DTNA: variants seen among roughly 807,000 people sequenced by gnomAD.
DTNA encodes the protein dystrobrevin alpha.
Under a neutral mutation model 100.7 loss-of-function variants are expected in DTNA, and 43 were observed. The ratio of observed to expected loss-of-function variants is 0.43; its 90% confidence interval spans 0.33 to 0.55. DTNA has a LOEUF of 0.55. DTNA is among the 20% of genes least tolerant of loss of function. The pLI is 0.04. For missense variants in DTNA, 798 were observed against 953.9 expected (o/e 0.84, Z 2.15); for synonymous variants, 349 against 347.9 (o/e 1.00, Z -0.04).
intron 13 of DTNA, among the ~76,000 whole-genome samples, chr18:34,845,172 A>C (rs2149815864): frequency 6.6e-6 from 1 of 152,284 alleles, no homozygotes; most frequent in East Asian, 1.9e-4. Context: ...ATTTATCAGA[A>C]GAATGCCTCC....
At chr18:34,533,404 T>TA (rs1368181944) in intron 1 of DTNA, among the ~76,000 whole-genome samples, 2 of 149,232 alleles carry the variant, frequency 1.3e-5, no homozygotes, top group African/African-American at 4.9e-5. Context: ...GAGTGGGACA[T>TA]GAAGATGCTT....
chr18:34,835,865 A>G (rs2096129436), intron 11 of DTNA, among the ~76,000 whole-genome samples: 1 of 152,180 alleles, frequency 6.6e-6, no homozygotes, highest in African/African-American at 2.4e-5. Flanking sequence ...TCCCTGTGCA[A>G]TTATTCGGCT....
At chr18:34,638,205 T>A (rs1407485509) in intron 1 of DTNA, among the ~76,000 whole-genome samples, 4 of 152,222 alleles carry the variant, frequency 2.6e-5, no homozygotes, top group African/African-American at 9.6e-5. Context: ...CTTTATTCTC[T>A]TAGGTATCCA....
intron 1 of DTNA, among the ~76,000 whole-genome samples, chr18:34,533,776 G>A (rs1208539245): frequency 1.3e-5 from 2 of 152,056 alleles, no homozygotes; most frequent in South Asian, 2.1e-4. Flanking sequence ...ATCTTATCCT[G>A]TTCTGGACAC....
At chr18:34,785,144 A>G (rs1439851238) in intron 3 of DTNA, among the ~76,000 whole-genome samples, 1 of 151,914 alleles carries the variant, frequency 6.6e-6, no homozygotes, top group African/African-American at 2.4e-5. Context: ...CAATCTCCTG[A>G]CCTCATGATC....
intron 1 of DTNA, among the ~76,000 whole-genome samples, chr18:34,625,283 C>A (rs571041519): frequency 1.3e-5 from 2 of 152,318 alleles, no homozygotes; most frequent in Admixed American, 1.3e-4. Flanking sequence ...CCTGCCTCGG[C>A]CTCCCAAAGT....
chr18:34,815,915 G>A lies in DTNA; in HGVS notation c.610G>A (p.Val204Ile). The A allele has an allele frequency of 6.2e-7, 1 of 1,613,596 alleles. No individual in the cohort carries two copies. The highest frequency in any genetic ancestry group is 8.5e-7 in the Non-Finnish European group (1 of 1,179,620). ...GGGGGGTTTTTTTATGCAGAAAAAA[G>A]TCACGTTAAATGGTTTCTTGGACAC... ...ARSCFSQQKKVTLNGFLDTLM... is the reference protein window; with the variant it reads ...ARSCFSQQKKITLNGFLDTLM... Residue 204 changes from valine to isoleucine, a missense_variant, in exon 7 of 23, where the codon GTC (valine) becomes ATC (isoleucine). Physicochemically the swap from Val to Ile is conservative, Grantham distance 29. Around this residue, in one of 6 missense-constraint regions of DTNA, gnomAD observed 81 missense variants for 153.5 expected, o/e 0.53. Coordinates refer to ENST00000444659, the MANE Select transcript of DTNA (RefSeq NM_001386795.1).
At chr18:34,632,691 T>C (rs1370014700) in intron 1 of DTNA, among the ~76,000 whole-genome samples, 1 of 152,210 alleles carries the variant, frequency 6.6e-6, no homozygotes, top group Non-Finnish European at 1.5e-5. Context: ...ATCTGGGAAC[T>C]TCAGCATTTG....
chr18:34,607,958 C>A (rs2579809), intron 1 of DTNA, among the ~76,000 whole-genome samples: 1 of 151,966 alleles, frequency 6.6e-6, no homozygotes, highest in Admixed American at 6.5e-5. Flanking sequence ...AAATGCAAGA[C>A]AGAGGATTAT....
At chr18:34,542,193 A>G (rs2044310235) in intron 1 of DTNA, among the ~76,000 whole-genome samples, 1 of 152,056 alleles carries the variant, frequency 6.6e-6, no homozygotes, top group African/African-American at 2.4e-5. Flanking sequence ...TTTGCCTTAT[A>G]TTGTAGTAAG....
intron 3 of DTNA, among the ~76,000 whole-genome samples, chr18:34,769,954 C>T (rs1422372054): frequency 6.6e-6 from 1 of 151,808 alleles, no homozygotes; most frequent in Non-Finnish European, 1.5e-5. Context: ...CTCCTGACCT[C>T]ATGTGATCTG....
Position 34,827,689 on chromosome 18 carries a change from C to A in DTNA, c.1085+13C>A. The A allele has an allele frequency of 1.2e-6, 2 of 1,611,266 alleles. No individual in the cohort carries two copies. Among genetic ancestry groups the A allele is most frequent in the African/African-American group, 1.3e-5 (1 of 74,946 alleles). On this transcript the variant is annotated intron_variant, in intron 10 of 22. Coordinates refer to ENST00000444659, the MANE Select transcript of DTNA (RefSeq NM_001386795.1). ...TTATTACCAGGAGGTAAGTTCCAAC[C>A]CTATTATAAAATAAGCCCTTTCTTT... is the stretch of plus-strand genomic sequence containing the variant.
intron 1 of DTNA, among the ~76,000 whole-genome samples, chr18:34,520,651 G>A (rs1006882248): frequency 3.3e-5 from 5 of 151,708 alleles, no homozygotes; most frequent in Admixed American, 2.0e-4. Flanking sequence ...CAAAAACCCC[G>A]TCTCAAAAAA....
upstream of DTNA, among the ~76,000 whole-genome samples, chr18:34,708,964 C>G (rs1483366009): frequency 6.6e-6 from 1 of 152,226 alleles, no homozygotes; most frequent in East Asian, 1.9e-4. Context: ...TGGGCTAGAG[C>G]CAGATTTCAA....
At chr18:34,771,968 T>C (rs1444267034) in intron 3 of DTNA, among the ~76,000 whole-genome samples, 2 of 151,760 alleles carry the variant, frequency 1.3e-5, no homozygotes, top group African/African-American at 4.8e-5. Context: ...TTTTTTTTTT[T>C]CAGAAATTAC....
intron 2 of DTNA, among the ~76,000 whole-genome samples, chr18:34,759,168 A>C (rs575569711): frequency 6.6e-6 from 1 of 152,202 alleles, no homozygotes; most frequent in Admixed American, 6.5e-5. Flanking sequence ...TGAAAAAAAC[A>C]AAAAAACAAA....
chr18:34,790,891 G>A (rs537332017), intron 3 of DTNA, among the ~76,000 whole-genome samples: 12 of 152,250 alleles, frequency 7.9e-5, no homozygotes, highest in African/African-American at 2.9e-4. Context: ...GTGATGTTTA[G>A]GAGATATACA....
intron 1 of DTNA, among the ~76,000 whole-genome samples, chr18:34,753,361 ATTTTATTTTTTTTTT>A (rs2092494700): frequency 1.0e-5 from 1 of 96,890 alleles, no homozygotes; most frequent in Non-Finnish European, 1.9e-5. Context: ...TTATTTATTT[ATTTTATTTTTTTTTT>A]TTTTTTATTT....
intron 8 of DTNA, 142 bp from the exon 9 acceptor site, chr18:34,820,649 T>C (rs75874133): frequency 1.5e-6 from 2 of 1,355,754 alleles, no homozygotes; most frequent in African/African-American, 1.5e-5. Flanking sequence ...TTTCCGAGCA[T>C]TGAGCAAACT....
Sources: allele counts gnomAD v4.1 joint callset (sites outside exome capture counted in the v4.1 genomes callset), GRCh38; gene constraint gnomAD v4.1.1; regional missense constraint gnomAD v4.1.1; transcripts MANE v1.5; gene names NCBI Gene and HGNC (gene_info 2026-07-23, HGNC 2026-07-21).